Variants in ARSB observed in about 807,000 individuals in gnomAD.
ARSB encodes the protein N-acetylgalactosamine-4-sulfatase.
In ARSB, 41 loss-of-function variants were observed where a neutral mutation model predicts 50.9. The observed-to-expected ratio is 0.81, with a 90% CI of 0.63 to 1.04. ARSB has a LOEUF of 1.04. Among genes scored for constraint, ARSB ranks in the 50% least tolerant of loss-of-function variants. ARSB has a pLI of 0.00. For missense variants in ARSB, 672 were observed against 693.3 expected, an observed-to-expected ratio of 0.97 and a Z score of 0.35; for synonymous variants, 269 against 284.8, an observed-to-expected ratio of 0.94 and a Z score of 0.56.
At chr5:78,906,459 T>G (rs1580038681) in intron 4 of ARSB, among the ~76,000 whole-genome samples, 2 of 152,320 alleles carry the variant, frequency 1.3e-5, no homozygotes, top group African/African-American at 4.8e-5. Context: ...TGCCAGTGCC[T>G]GCTGCATAGT....
Position 78,804,253 on chromosome 5 carries a change from A to G in ARSB, c.1214-22279T>C, listed in dbSNP as rs57061034. ...ATCCCTTCAGACTCAGTTTTTGTGG[A>G]AAAAAAAAAGTGTTTCACTTCAGCT... On this transcript the variant is annotated intron_variant, in intron 6 of 7. Transcript: ENST00000264914. Among the ~76,000 whole-genome samples the G allele has an allele frequency of 2.4e-3, 356 of 149,516 alleles. 1 individual carries two copies. The highest frequency in any genetic ancestry group is 8.0e-3 in the African/African-American group (327 of 40,856).
At chr5:78,893,131 G>A (rs1161156707) in intron 4 of ARSB, among the ~76,000 whole-genome samples, 1 of 152,188 alleles carries the variant, frequency 6.6e-6, no homozygotes, top group East Asian at 1.9e-4. Flanking sequence ...TTTAAAAGGG[G>A]TTTCCCCTTT....
chr5:78,901,110 C>T (rs1022424769), intron 4 of ARSB, among the ~76,000 whole-genome samples: 24 of 151,642 alleles, frequency 1.6e-4, no homozygotes, highest in Non-Finnish European at 3.1e-4. Context: ...TATTACCCGA[C>T]CTCCTCTTCT....
upstream of ARSB, chr5:78,985,565 A>AT (rs1753151995): frequency 1.5e-5 from 3 of 204,410 alleles, no homozygotes; most frequent in East Asian, 3.5e-4. Flanking sequence ...TTTCCTAAAA[A>AT]AAAAAGATGT....
At chr5:78,939,395 A>G (rs1478943953) in intron 4 of ARSB, among the ~76,000 whole-genome samples, 1 of 151,720 alleles carries the variant, frequency 6.6e-6, no homozygotes, top group East Asian at 1.9e-4. Flanking sequence ...CTCATCATTT[A>G]GCATTAGGTA....
chr5:78,845,476 C>A (rs1287722443), intron 5 of ARSB, among the ~76,000 whole-genome samples: 2 of 152,098 alleles, frequency 1.3e-5, no homozygotes, highest in Non-Finnish European at 2.9e-5. Flanking sequence ...AATGGCTAGA[C>A]TAATTTGCAT....
chr5:78,904,088 T>C (rs1748923545), intron 4 of ARSB, among the ~76,000 whole-genome samples: 1 of 152,076 alleles, frequency 6.6e-6, no homozygotes, highest in East Asian at 1.9e-4. Context: ...TATAAAAAAA[T>C]CATAGTGTGT....
chr5:78,943,617 CT>C (rs1751053528), intron 4 of ARSB, among the ~76,000 whole-genome samples: 2 of 152,238 alleles, frequency 1.3e-5, no homozygotes, highest in Admixed American at 6.5e-5. Flanking sequence ...CCACTGTCTT[CT>C]GGCTTGTAGA....
chr5:78,861,240 G>A (rs1342213766), intron 5 of ARSB, among the ~76,000 whole-genome samples: 1 of 152,098 alleles, frequency 6.6e-6, no homozygotes, highest in East Asian at 1.9e-4. Context: ...GAAAAAGAGG[G>A]AATCCTCCCT....
In ARSB at chr5:78,885,628, A is replaced by C; in HGVS notation, c.1098T>G (p.Asn366Lys). The stretch of plus-strand genomic sequence containing the variant: ...CGAAGCCATCCAGAGGCTTTGTGCC[A>C]TTGGTGTGTCCCCTGGCCAGCTTCA... ...TLVKLARGHT[N>K]GTKPLDGFDV... The change falls in exon 5 of 8, where the codon AAT (asparagine) becomes AAG (lysine). Residue 366 changes from asparagine (N) to lysine (K), a missense_variant. Coordinates refer to ENST00000264914, the MANE Select transcript of ARSB (RefSeq NM_000046.5). 2 of 1,614,108 alleles carry C rather than the reference A, an allele frequency of 1.2e-6. No homozygotes were observed. The highest frequency in any genetic ancestry group is 1.7e-6 in the Non-Finnish European group (2 of 1,180,028).
rs142842720 is a variant in ARSB, at chr5:78,810,891, A to G, written c.1213+28465T>C. 5.7e-3 allele frequency among the ~76,000 whole-genome samples: 862 copies of G among 152,366 alleles called. 8 individuals carry two copies. Among genetic ancestry groups the G allele is most frequent in the African/African-American group, 0.018 (744 of 41,584 alleles). On this transcript the variant is annotated intron_variant, in intron 6 of 7. Coordinates refer to ENST00000264914, the MANE Select transcript of ARSB (RefSeq NM_000046.5). Reference sequence around the variant, plus strand: ...GAATCTTTGACATAGTGTTGTTAACATAGTTAAACTGTTTTCTACACAGAA... The same window carrying G: ...GAATCTTTGACATAGTGTTGTTAACGTAGTTAAACTGTTTTCTACACAGAA...
At chr5:78,976,350 C>A (rs989226606) in intron 1 of ARSB, among the ~76,000 whole-genome samples, 2 of 137,846 alleles carry the variant, frequency 1.5e-5, no homozygotes, top group South Asian at 2.4e-4. Flanking sequence ...GCAGTGGCAC[C>A]ATCCTGGCTC....
chr5:78,979,790 T>G (rs560409140), intron 1 of ARSB, among the ~76,000 whole-genome samples: 10 of 152,330 alleles, frequency 6.6e-5, no homozygotes, highest in African/African-American at 2.2e-4. Flanking sequence ...GGCGTTTCAC[T>G]CCTACATATT....
intron 6 of ARSB, chr5:78,815,765 A>G: frequency 8.4e-7 from 1 of 1,197,168 alleles, no homozygotes; most frequent in Non-Finnish European, 1.0e-6. Flanking sequence ...AGGGAAAGGA[A>G]TTTACTTTTG....
chr5:78,947,209 A>T (rs998046129), intron 4 of ARSB, among the ~76,000 whole-genome samples: 9 of 152,248 alleles, frequency 5.9e-5, no homozygotes, highest in African/African-American at 2.2e-4. Context: ...TCTCCAGGAC[A>T]TTGGACTAGG....
intron 1 of ARSB, among the ~76,000 whole-genome samples, chr5:78,972,873 C>G (rs1752518183): frequency 6.6e-6 from 1 of 152,204 alleles, no homozygotes; most frequent in Non-Finnish European, 1.5e-5. Context: ...TACTGACAAT[C>G]ATATGGAGCA....
chr5:78,963,848 T>C (rs1247098554), intron 3 of ARSB, among the ~76,000 whole-genome samples: 1 of 152,094 alleles, frequency 6.6e-6, no homozygotes, highest in Admixed American at 6.6e-5. Flanking sequence ...AGCTGGCATA[T>C]AGAAATTGAC....
At chr5:78,929,748 G>A (rs939673204) in intron 4 of ARSB, among the ~76,000 whole-genome samples, 4 of 146,862 alleles carry the variant, frequency 2.7e-5, no homozygotes, top group South Asian at 4.3e-4. Context: ...AGCCGAGATC[G>A]CGCCACTGCA....
intron 6 of ARSB, among the ~76,000 whole-genome samples, chr5:78,801,748 C>A (rs1743402627): frequency 6.6e-6 from 1 of 152,130 alleles, no homozygotes; most frequent in South Asian, 2.1e-4. Flanking sequence ...CCCAGAAAAC[C>A]CTCTCATGCA....
Sources: gnomAD v4.1 joint callset for allele counts (sites outside exome capture counted in the v4.1 genomes callset) on GRCh38, gnomAD v4.1.1 for gene constraint, MANE v1.5 for transcripts, NCBI Gene and HGNC (gene_info 2026-07-23, HGNC 2026-07-21) for gene names.